Variants in NRDC observed in about 807,000 individuals in gnomAD.
NRDC encodes the protein nardilysin.
NRDC carries 54 observed loss-of-function variants against 147.1 expected under a neutral mutation model. That is an observed-to-expected ratio of 0.37 (90% CI 0.29 to 0.46). The LOEUF (loss-of-function observed/expected upper bound fraction) is 0.46, where lower values mean the gene tolerates loss of function less well. Among genes scored for constraint, NRDC ranks in the 20% least tolerant of loss-of-function variants. The probability of loss-of-function intolerance (pLI) is 1.00; values close to 1 mark genes in which losing one functional copy is unlikely to be tolerated. For missense variants in NRDC, 1,082 were observed against 1,370.6 expected (o/e 0.79, Z 3.33); for synonymous variants, 440 against 482.1 (o/e 0.91, Z 1.14).
intron 11 of NRDC, among the ~76,000 whole-genome samples, chr1:51,815,291 G>A (rs752446211): frequency 5.3e-5 from 8 of 151,068 alleles, no homozygotes; most frequent in Non-Finnish European, 1.0e-4. Context: ...CCAAGTGCTG[G>A]AATTACAGGC....
intron 1 of NRDC, among the ~76,000 whole-genome samples, chr1:51,850,189 T>TAAATA (rs1553215451): frequency 6.6e-6 from 1 of 151,168 alleles, no homozygotes; most frequent in African/African-American, 2.4e-5. Flanking sequence ...AAAAAAATAA[T>TAAATA]AATAAATAAA....
rs897991639 is a variant in NRDC at position 51,789,221 on chromosome 1, G to C, written c.*15C>G. ...AAAATACACATTGCTTCAGGCCAAC[G>C]TGACTGCAGTTTATTTATTTGACTA... On this transcript the variant is annotated 3_prime_UTR_variant, in exon 31 of 31. Transcript: ENST00000352171. 2 of 1,610,012 alleles carry C rather than the reference G, an allele frequency of 1.2e-6. No individual in the cohort carries two copies. Among genetic ancestry groups the C allele is most frequent in the Non-Finnish European group, 1.7e-6 (2 of 1,176,482 alleles).
intron 1 of NRDC, among the ~76,000 whole-genome samples, chr1:51,865,097 T>TA (rs1246832994): frequency 1.3e-5 from 2 of 152,066 alleles, no homozygotes; most frequent in African/African-American, 4.8e-5. Flanking sequence ...GCTATGGACT[T>TA]AGAGAATACA....
intron 11 of NRDC, among the ~76,000 whole-genome samples, chr1:51,815,557 C>A (rs1481213790): frequency 6.6e-6 from 1 of 152,094 alleles, no homozygotes; most frequent in East Asian, 1.9e-4. Flanking sequence ...AAAGGTTGTG[C>A]ACAGCTCAAA....
chr1:51,824,122 CTTT>C (rs11341489), intron 6 of NRDC, among the ~76,000 whole-genome samples: 5 of 132,016 alleles, frequency 3.8e-5, no homozygotes, highest in Non-Finnish European at 3.3e-5. Flanking sequence ...TTGCCTAATT[CTTT>C]TTTTTTTTTT....
intron 18 of NRDC, 136 bp downstream of exon 18, chr1:51,806,658 G>C: frequency 1.3e-6 from 1 of 754,188 alleles, no homozygotes; most frequent in Non-Finnish European, 2.2e-6. Context: ...CATCAAGGTG[G>C]CTGATAGAGG....
At chr1:51,798,114 G>T in intron 22 of NRDC, 135 bp downstream of exon 22, 1 of 788,748 alleles carries the variant, frequency 1.3e-6, no homozygotes, top group Non-Finnish European at 2.0e-6. Flanking sequence ...CATCAGAGGG[G>T]TCAGGTTCCC....
At chr1:51,808,107 A>G (rs945349749) in intron 17 of NRDC, among the ~76,000 whole-genome samples, 3 of 151,948 alleles carry the variant, frequency 2.0e-5, no homozygotes, top group Non-Finnish European at 4.4e-5. Context: ...CACCTGGCCA[A>G]TACTTTTTTA....
At chr1:51,875,248 T>G (rs1239983779) in intron 1 of NRDC, among the ~76,000 whole-genome samples, 1 of 152,212 alleles carries the variant, frequency 6.6e-6, no homozygotes, top group African/African-American at 2.4e-5. Context: ...AAAGTCTAAT[T>G]GAAACTCCAG....
chr1:51,854,376 A>T (rs1682135327), intron 1 of NRDC, among the ~76,000 whole-genome samples: 1 of 152,186 alleles, frequency 6.6e-6, no homozygotes, highest in South Asian at 2.1e-4. Flanking sequence ...TCAAAAAAAT[A>T]AAGAAAAGAA....
At chr1:51,795,165 A>G in intron 22 of NRDC, 1 of 1,361,172 alleles carries the variant, frequency 7.3e-7, no homozygotes, top group Non-Finnish European at 9.7e-7. Context: ...CCTTTATGAC[A>G]ACATGGACTA....
chr1:51,846,631 G>C (rs763183531), intron 1 of NRDC, among the ~76,000 whole-genome samples: 1 of 152,226 alleles, frequency 6.6e-6, no homozygotes, highest in Non-Finnish European at 1.5e-5. Context: ...CAGGAGTGAA[G>C]CTGCAGACCT....
chr1:51,818,490 G>A (rs1162631038), intron 9 of NRDC, among the ~76,000 whole-genome samples: 1 of 152,146 alleles, frequency 6.6e-6, no homozygotes, highest in African/African-American at 2.4e-5. Flanking sequence ...CATGACCTGA[G>A]AAAATCACTT....
chr1:51,839,704 C>T (rs1481758748), intron 2 of NRDC, among the ~76,000 whole-genome samples: 1 of 152,136 alleles, frequency 6.6e-6, no homozygotes, highest in African/African-American at 2.4e-5. Flanking sequence ...TTTGCGTTCC[C>T]ATATAAAGTG....
chr1:51,859,435 G>C (rs114470848), intron 1 of NRDC, among the ~76,000 whole-genome samples: 1 of 152,362 alleles, frequency 6.6e-6, no homozygotes, highest in Non-Finnish European at 1.5e-5. Context: ...AGTGAGGCAT[G>C]AGGACACATT....
At chr1:51,821,662 T>G in intron 7 of NRDC, 107 bp from the exon 8 acceptor site, 1 of 803,438 alleles carries the variant, frequency 1.2e-6, no homozygotes, top group South Asian at 1.6e-5. Flanking sequence ...CAAAGGGATA[T>G]TTTAATTTGG....
intron 9 of NRDC, among the ~76,000 whole-genome samples, chr1:51,819,555 T>A (rs532132144): frequency 6.6e-6 from 1 of 151,940 alleles, no homozygotes; most frequent in South Asian, 2.1e-4. Flanking sequence ...GGAAGAAAGG[T>A]AAAACAAGGA....
intron 1 of NRDC, among the ~76,000 whole-genome samples, chr1:51,841,992 G>A (rs1312233651): frequency 1.3e-5 from 2 of 152,054 alleles, no homozygotes; most frequent in African/African-American, 2.4e-5. Flanking sequence ...GCAACGTAGC[G>A]AAACCTCATT....
rs535755118 is a variant in NRDC, at chr1:51,814,316, A to G, written c.1620-227T>C. On this transcript the variant is annotated intron_variant, in intron 13 of 30. Transcript: ENST00000352171. ...AGAATAAAAGTTTAAAAAATTCTCA[A>G]TAGAAGCATCAACAATAAAAGAGAA... 80 of 577,638 alleles carry G rather than the reference A, an allele frequency of 1.4e-4. No individual in the cohort carries two copies. In the African/African-American group the frequency reaches 1.5e-3, roughly 11 times the overall value. 35.8% of individuals were successfully genotyped at this position (577,638 alleles called of 1,614,324 possible).
Sources: gnomAD v4.1 joint callset for allele counts (sites outside exome capture counted in the v4.1 genomes callset) on GRCh38, gnomAD v4.1.1 for gene constraint, MANE v1.5 for transcripts, NCBI Gene and HGNC (gene_info 2026-07-23, HGNC 2026-07-21) for gene names.